Variants in TPTE2 observed in about 807,000 individuals in gnomAD.
The protein encoded by TPTE2 is transmembrane phosphoinositide 3-phosphatase and tensin homolog 2, also known as phosphatidylinositol 3,4,5-trisphosphate 3-phosphatase TPTE2.
TPTE2 carries 53 observed loss-of-function variants against 78.6 expected under a neutral mutation model. That is an observed-to-expected ratio of 0.67 (90% CI 0.54 to 0.85). TPTE2 has a LOEUF of 0.85. Among genes scored for constraint, TPTE2 ranks in the 40% least tolerant of loss-of-function variants. The pLI is 0.00. For missense variants in TPTE2, 461 were observed against 623.0 expected (o/e 0.74, Z 2.77); for synonymous variants, 175 against 206.2 (o/e 0.85, Z 1.30).
chr13:19,479,863 T>A (rs541724299), intron 4 of TPTE2, among the ~76,000 whole-genome samples: 28 of 151,204 alleles, frequency 1.9e-4, no homozygotes, highest in Admixed American at 1.5e-3. Flanking sequence ...CTCAGGAGGC[T>A]GAGGCAGGAG....
At chr13:19,533,367 T>C (rs1298000427) in intron 1 of TPTE2, among the ~76,000 whole-genome samples, 2 of 152,206 alleles carry the variant, frequency 1.3e-5, no homozygotes, top group Non-Finnish European at 2.9e-5. Flanking sequence ...GTTCACAAAA[T>C]TGATTTTTAA....
chr13:19,528,899 C>G (rs1234122500), intron 1 of TPTE2, among the ~76,000 whole-genome samples: 1 of 152,076 alleles, frequency 6.6e-6, no homozygotes, highest in East Asian at 1.9e-4. Flanking sequence ...GTGGGCGGAT[C>G]ACCTGAGGTC....
chr13:19,544,934 TCACACACACACACA>T, the TPTE2 span, among the ~76,000 whole-genome samples: 1,271 of 142,410 alleles, frequency 8.9e-3, 17 homozygotes, highest in African/African-American at 0.027. Context: ...ACGTGCACAC[TCACACACACACACA>T]CACACACACA....
chr13:19,501,983 C>T (rs540874114), intron 1 of TPTE2, among the ~76,000 whole-genome samples: 229 of 147,780 alleles, frequency 1.5e-3, no homozygotes, highest in Non-Finnish European at 2.9e-3. Context: ...AAAAAGTGGG[C>T]GAAGGACATG....
the TPTE2 span, chr13:19,560,776 G>A: frequency 4.1e-6 from 6 of 1,468,126 alleles, no homozygotes; most frequent in African/African-American, 2.9e-5. Context: ...GAAGGGCAGC[G>A]GGTCCACCTC....
At chr13:19,464,580 A>C in intron 9 of TPTE2, 60 bp from the exon 13 acceptor site, 2 of 1,558,276 alleles carry the variant, frequency 1.3e-6, no homozygotes, top group Non-Finnish European at 1.7e-6. Context: ...AACACAAAAA[A>C]AATTAATTTA....
chr13:19,487,134 C>T (rs1251092946), intron 3 of TPTE2, among the ~76,000 whole-genome samples: 1 of 152,054 alleles, frequency 6.6e-6, no homozygotes, highest in African/African-American at 2.4e-5. Flanking sequence ...GGGGGGTGGC[C>T]TAAAGGGCTG....
chr13:19,530,575 C>G (rs972816334), intron 1 of TPTE2, among the ~76,000 whole-genome samples: 1 of 152,064 alleles, frequency 6.6e-6, no homozygotes, highest in South Asian at 2.1e-4. Context: ...GGCAGGGTCT[C>G]ACTCTGTTGT....
chr13:19,467,507 T>A (rs1219650823), intron 6 of TPTE2, among the ~76,000 whole-genome samples, 163 bp from the exon 10 acceptor site: 1 of 152,148 alleles, frequency 6.6e-6, no homozygotes, highest in Non-Finnish European at 1.5e-5. Flanking sequence ...AACATAACAT[T>A]CATGGGAAGT....
chr13:19,460,793 TATTAA>T (rs1303294112), intron 10 of TPTE2, among the ~76,000 whole-genome samples: 2 of 152,296 alleles, frequency 1.3e-5, no homozygotes, highest in East Asian at 1.9e-4. Flanking sequence ...TTGTAATTTA[TATTAA>T]ATTAAACAAT....
At chr13:19,469,297 T>C (rs80188638) in intron 6 of TPTE2, among the ~76,000 whole-genome samples, 1 of 152,206 alleles carries the variant, frequency 6.6e-6, no homozygotes, top group Non-Finnish European at 1.5e-5. Flanking sequence ...GTTCAATGTA[T>C]GCTCTTGGCA....
At chr13:19,445,242 C>G (rs1343372354) in intron 13 of TPTE2, among the ~76,000 whole-genome samples, 1 of 151,840 alleles carries the variant, frequency 6.6e-6, no homozygotes. Flanking sequence ...TAAAGAACTC[C>G]TACAATCAGG....
At position 19,531,385 on chromosome 13, in the gene TPTE2, A is replaced by C. The variant is rs17082918; in HGVS notation, c.-44+5211T>G. 6.9e-3 allele frequency among the ~76,000 whole-genome samples: 1,045 copies of C among 152,044 alleles called. 10 individuals carry two copies. The highest frequency in any genetic ancestry group is 0.024 in the African/African-American group (997 of 41,482). ...ATACTCATAGGAAAAGAGTCATGAAAGATTTTTATTTGATTTCATTTTTTG... is the reference window on the plus strand; with the variant it reads ...ATACTCATAGGAAAAGAGTCATGAACGATTTTTATTTGATTTCATTTTTTG... On this transcript the variant is annotated intron_variant, in intron 1 of 17. Transcript: ENST00000390680.
intron 14 of TPTE2, among the ~76,000 whole-genome samples, chr13:19,437,226 C>A (rs144825336): frequency 0.02 from 3,114 of 152,242 alleles, 110 homozygotes; most frequent in African/African-American, 0.071. Context: ...TTTTCAAAAT[C>A]TGTGTATCTC....
chr13:19,557,634 G>A, the TPTE2 span, among the ~76,000 whole-genome samples: 2 of 152,104 alleles, frequency 1.3e-5, no homozygotes, highest in Admixed American at 6.6e-5. Flanking sequence ...TTAGTCTCTC[G>A]ACGCCTTCCC....
At chr13:19,511,859 T>A (rs7317171) in intron 1 of TPTE2, among the ~76,000 whole-genome samples, 30,829 of 150,440 alleles carry the variant, frequency 0.2, 4,210 homozygotes, top group African/African-American at 0.39. Flanking sequence ...CCACTTTTTT[T>A]AAAAAAAAAA....
At chr13:19,503,886 G>A (rs544459079), upstream of TPTE2, among the ~76,000 whole-genome samples, 5 of 152,104 alleles carry the variant, frequency 3.3e-5, no homozygotes, top group Non-Finnish European at 5.9e-5. Context: ...GACTACAGGC[G>A]CCCGCCACCA....
chr13:19,441,395 T>G (rs1192506177), intron 13 of TPTE2, among the ~76,000 whole-genome samples: 2 of 152,080 alleles, frequency 1.3e-5, no homozygotes, highest in South Asian at 2.1e-4. Flanking sequence ...AACCTGCATA[T>G]GTACTTCCAA....
chr13:19,501,339 G>A (rs1375920103), intron 1 of TPTE2, among the ~76,000 whole-genome samples: 11 of 121,182 alleles, frequency 9.1e-5, no homozygotes, highest in East Asian at 4.6e-4. Flanking sequence ...AGCCCACATC[G>A]CCAAGTCAAT....
Sources: gnomAD v4.1 joint callset for allele counts (sites outside exome capture counted in the v4.1 genomes callset) on GRCh38, gnomAD v4.1.1 for gene constraint, MANE v1.5 for transcripts, NCBI Gene and HGNC (gene_info 2026-07-23, HGNC 2026-07-21) for gene names.